RFX4: variants seen among roughly 807,000 people sequenced by gnomAD.
The protein encoded by RFX4 is regulatory factor X4.
A neutral mutation model predicts 95.0 loss-of-function variants in RFX4; 10 were observed. The observed-to-expected ratio is 0.11, with a 90% CI of 0.06 to 0.18. The LOEUF (loss-of-function observed/expected upper bound fraction) is 0.18, where lower values mean the gene tolerates loss of function less well. Ranked by LOEUF, RFX4 falls within the 10% of genes least tolerant of loss-of-function variation. The pLI is 1.00. For missense variants in RFX4, 640 were observed against 922.0 expected (o/e 0.69, Z 3.96); for synonymous variants, 321 against 340.7 (o/e 0.94, Z 0.64).
At chr12:106,669,052 G>A (rs1456153565) in intron 4 of RFX4, among the ~76,000 whole-genome samples, 1 of 152,216 alleles carries the variant, frequency 6.6e-6, no homozygotes, top group Admixed American at 6.5e-5. Flanking sequence ...ACTAGAACAG[G>A]ATAAGATCAT....
At chr12:106,591,222 C>T (rs193190035) in intron 1 of RFX4, among the ~76,000 whole-genome samples, 5 of 147,018 alleles carry the variant, frequency 3.4e-5, no homozygotes, top group South Asian at 2.1e-4. Flanking sequence ...AAGTAAATGA[C>T]GTGCTATTTT....
chr12:106,666,619 G>A (rs776443422), intron 4 of RFX4, among the ~76,000 whole-genome samples: 15 of 151,518 alleles, frequency 9.9e-5, no homozygotes, highest in Admixed American at 7.9e-4. Context: ...TGTTCTCTTC[G>A]CTTTTTAGTT....
At chr12:106,618,958 A>C (rs2137230695) in intron 2 of RFX4, among the ~76,000 whole-genome samples, 1 of 152,242 alleles carries the variant, frequency 6.6e-6, no homozygotes, top group African/African-American at 2.4e-5. Flanking sequence ...TTCTTCACTA[A>C]TTATTATTAA....
At chr12:106,648,231 G>A (rs938439483) in intron 3 of RFX4, among the ~76,000 whole-genome samples, 10 of 152,326 alleles carry the variant, frequency 6.6e-5, no homozygotes, top group South Asian at 6.2e-4. Context: ...GCCTTGATGC[G>A]TGGAACACGG....
intron 5 of RFX4, 65 bp from the exon 6 acceptor site, chr12:106,686,819 C>G: frequency 6.8e-7 from 1 of 1,468,754 alleles, no homozygotes; most frequent in Non-Finnish European, 9.4e-7. Context: ...CACTTAATAA[C>G]AGTGCATGTG....
intron 13 of RFX4, among the ~76,000 whole-genome samples, chr12:106,725,566 A>G (rs2042478715): frequency 6.6e-6 from 1 of 152,226 alleles, no homozygotes; most frequent in African/African-American, 2.4e-5. Flanking sequence ...ATACTAGGTA[A>G]CTTTAGGCTT....
At chr12:106,677,126 G>A (rs2041407328) in intron 4 of RFX4, among the ~76,000 whole-genome samples, 1 of 152,172 alleles carries the variant, frequency 6.6e-6, no homozygotes, top group Admixed American at 6.5e-5. Flanking sequence ...GGTTAGCACA[G>A]TGCCTGAGCC....
In RFX4 at chr12:106,692,486, T is replaced by C. The variant is rs1419484244; in HGVS notation, c.669+3122T>C. On this transcript the variant is annotated intron_variant, in intron 7 of 17. Transcript: ENST00000392842. ...AGCCTGGTACACTTAGGGACCCCAA[T>C]TGCAAGTCATCACAGGTGTTTCCAC... is the stretch of plus-strand genomic sequence containing the variant. Among the ~76,000 whole-genome samples, 9 of 152,280 alleles carry C rather than the reference T, an allele frequency of 5.9e-5. No individual in the cohort carries two copies. In the South Asian group the frequency reaches 6.2e-4, roughly 11 times the overall value.
chr12:106,675,710 G>A (rs1470651912), intron 4 of RFX4, among the ~76,000 whole-genome samples: 1 of 152,154 alleles, frequency 6.6e-6, no homozygotes, highest in Non-Finnish European at 1.5e-5. Flanking sequence ...AGGAAATAAG[G>A]TACAAGCTGA....
At chr12:106,732,770 G>T in intron 14 of RFX4, 154 bp from the exon 15 acceptor site, 1 of 560,870 alleles carries the variant, frequency 1.8e-6, no homozygotes, top group Non-Finnish European at 3.1e-6. Context: ...TACAGAAATT[G>T]CCTTGAGTGT....
intron 11 of RFX4, among the ~76,000 whole-genome samples, chr12:106,719,662 G>A (rs1173872908): frequency 6.6e-6 from 1 of 151,996 alleles, no homozygotes; most frequent in East Asian, 1.9e-4. Flanking sequence ...GAGGAACCAA[G>A]TAGTGGGAAA....
At chr12:106,706,522 A>T (rs1372480757) in intron 8 of RFX4, among the ~76,000 whole-genome samples, 3 of 152,154 alleles carry the variant, frequency 2.0e-5, no homozygotes, top group Non-Finnish European at 4.4e-5. Context: ...TGGTAAAGGG[A>T]AAGAGAGACT....
intron 2 of RFX4, among the ~76,000 whole-genome samples, chr12:106,634,036 A>G (rs1189230779): frequency 6.6e-6 from 1 of 151,698 alleles, no homozygotes; most frequent in Non-Finnish European, 1.5e-5. Flanking sequence ...GTAGATATGC[A>G]TGTGCTTGTG....
At chr12:106,700,509 C>A (rs1407583472) in intron 8 of RFX4, among the ~76,000 whole-genome samples, 1 of 149,838 alleles carries the variant, frequency 6.7e-6, no homozygotes, top group Non-Finnish European at 1.5e-5. Context: ...CGGGTTCACG[C>A]CATTCTCCTG....
chr12:106,631,470 C>T (rs897983883), intron 2 of RFX4, among the ~76,000 whole-genome samples: 1 of 152,172 alleles, frequency 6.6e-6, no homozygotes, highest in Non-Finnish European at 1.5e-5. Flanking sequence ...ACTCTAACCC[C>T]CTATGTGATG....
intron 1 of RFX4, chr12:106,601,140 G>C (rs1462301287): frequency 6.9e-7 from 1 of 1,440,812 alleles, no homozygotes; most frequent in African/African-American, 1.4e-5. Flanking sequence ...CTGTGGCGTT[G>C]CCATGGCAAC....
At chr12:106,698,158 G>C (rs2041917111) in intron 8 of RFX4, among the ~76,000 whole-genome samples, 1 of 152,008 alleles carries the variant, frequency 6.6e-6, no homozygotes, top group African/African-American at 2.4e-5. Flanking sequence ...ATTTTTAGTA[G>C]AGACGGGGTT....
intron 3 of RFX4, among the ~76,000 whole-genome samples, chr12:106,653,696 C>T (rs1712424624): frequency 6.6e-6 from 1 of 152,196 alleles, no homozygotes; most frequent in South Asian, 2.1e-4. Flanking sequence ...ATGAGACCTC[C>T]CTTCAGTCAG....
At chr12:106,704,941 G>A (rs2042055980) in intron 8 of RFX4, among the ~76,000 whole-genome samples, 2 of 152,160 alleles carry the variant, frequency 1.3e-5, no homozygotes, top group African/African-American at 4.8e-5. Flanking sequence ...ACATCAGACA[G>A]AAAGGCAGAG....
Sources: gnomAD v4.1 joint callset for allele counts (sites outside exome capture counted in the v4.1 genomes callset) on GRCh38, gnomAD v4.1.1 for gene constraint, MANE v1.5 for transcripts, NCBI Gene and HGNC (gene_info 2026-07-23, HGNC 2026-07-21) for gene names.